RALGPS2: variants seen among roughly 807,000 people sequenced by gnomAD.
RALGPS2 encodes ras-specific guanine nucleotide-releasing factor RalGPS2.
Under a neutral mutation model 86.8 loss-of-function variants are expected in RALGPS2, and 43 were observed. The observed-to-expected ratio is 0.50, with a 90% CI of 0.39 to 0.64. The LOEUF (loss-of-function observed/expected upper bound fraction) is 0.64, where lower values mean the gene tolerates loss of function less well. Ranked by LOEUF, RALGPS2 falls within the 30% of genes least tolerant of loss-of-function variation. The probability of loss-of-function intolerance (pLI) is 0.00; values close to 1 mark genes in which losing one functional copy is unlikely to be tolerated. For synonymous variants in RALGPS2, 243 were observed against 231.3 expected, an observed-to-expected ratio of 1.05 and a Z score of -0.46; for missense variants, 536 against 694.6, an observed-to-expected ratio of 0.77 and a Z score of 2.57.
intron 1 of RALGPS2, among the ~76,000 whole-genome samples, chr1:178,764,388 G>A (rs1652395631): frequency 6.6e-6 from 1 of 152,156 alleles, no homozygotes. Context: ...CTTGAAGACA[G>A]CATACAATTG....
chr1:178,859,595 C>T (rs1463248166), intron 8 of RALGPS2, among the ~76,000 whole-genome samples: 2 of 150,646 alleles, frequency 1.3e-5, no homozygotes, highest in African/African-American at 4.9e-5. Flanking sequence ...CATTTATGTC[C>T]TCATATACCT....
chr1:178,772,400 A>G (rs989691365), intron 1 of RALGPS2, among the ~76,000 whole-genome samples: 3 of 152,200 alleles, frequency 2.0e-5, no homozygotes, highest in African/African-American at 4.8e-5. Context: ...CTTCTTTGCT[A>G]TTACCTGAAT....
chr1:178,823,426 G>T (rs925225937), intron 7 of RALGPS2, among the ~76,000 whole-genome samples: 6 of 151,756 alleles, frequency 4.0e-5, no homozygotes, highest in African/African-American at 1.5e-4. Context: ...ATAAATAAAT[G>T]ACATAAATAG....
intron 1 of RALGPS2, among the ~76,000 whole-genome samples, chr1:178,730,362 C>T (rs4652316): frequency 0.25 from 37,662 of 152,120 alleles, 5,228 homozygotes; most frequent in Non-Finnish European, 0.32. Flanking sequence ...CATGTCTTCC[C>T]AATATAGTCA....
intron 15 of RALGPS2, among the ~76,000 whole-genome samples, chr1:178,893,245 A>T (rs1659793116): frequency 6.9e-6 from 1 of 145,750 alleles, no homozygotes. Context: ...TTATTTTGTG[A>T]TTTTTTTTTT....
chr1:178,810,742 T>A lies in RALGPS2; in HGVS notation c.298-573T>A, dbSNP rs1033756842. ...AAGTAAAATCTGAAATATTTCTCAT[T>A]AAAAATGTGAAGAAATATGAGGCAG... On this transcript the variant is annotated intron_variant, in intron 5 of 19. Coordinates refer to ENST00000367635, the MANE Select transcript of RALGPS2 (RefSeq NM_152663.5). Among the ~76,000 whole-genome samples the A allele has an allele frequency of 2.6e-5, 4 of 152,006 alleles. No individual in the cohort carries two copies. In the South Asian group the frequency reaches 6.2e-4, roughly 24 times the overall value.
intron 10 of RALGPS2, among the ~76,000 whole-genome samples, chr1:178,879,962 T>C (rs1659170710): frequency 6.6e-6 from 1 of 152,114 alleles, no homozygotes; most frequent in South Asian, 2.1e-4. Flanking sequence ...GGTTTTTTTT[T>C]AAGGTAGGAG....
intron 1 of RALGPS2, among the ~76,000 whole-genome samples, chr1:178,728,624 A>G (rs1650164849): frequency 6.6e-6 from 1 of 152,088 alleles, no homozygotes; most frequent in Admixed American, 6.5e-5. Flanking sequence ...GCTTGAAACT[A>G]CCCCAGCCTG....
chr1:178,779,357 T>TTTCTATA (rs1235866797), intron 2 of RALGPS2, among the ~76,000 whole-genome samples: 2 of 152,226 alleles, frequency 1.3e-5, no homozygotes, highest in African/African-American at 4.8e-5. Context: ...TATTTCTTAT[T>TTTCTATA]TTTCTCTTAG....
chr1:178,746,974 T>A, intron 1 of RALGPS2: 1 of 982,304 alleles, frequency 1.0e-6, no homozygotes. Context: ...CTTAGAAAGT[T>A]CTTTCCATCG....
intron 11 of RALGPS2, 140 bp downstream of exon 11, chr1:178,883,673 G>C: frequency 1.4e-6 from 1 of 729,722 alleles, no homozygotes; most frequent in East Asian, 3.0e-5. Flanking sequence ...TGTCCTTTCT[G>C]GGTTTTTTGG....
At chr1:178,733,997 G>T (rs1379625733) in intron 1 of RALGPS2, among the ~76,000 whole-genome samples, 3 of 152,178 alleles carry the variant, frequency 2.0e-5, no homozygotes, top group Non-Finnish European at 4.4e-5. Flanking sequence ...TAGTCAGAAT[G>T]TATAAACACT....
At chr1:178,812,238 A>G (rs1003818281) in intron 6 of RALGPS2, among the ~76,000 whole-genome samples, 2 of 152,188 alleles carry the variant, frequency 1.3e-5, no homozygotes, top group East Asian at 1.9e-4. Flanking sequence ...TTCAGGTAAA[A>G]TGAATGAGCC....
At chr1:178,892,882 A>G (rs1365108824) in intron 15 of RALGPS2, among the ~76,000 whole-genome samples, 2 of 152,066 alleles carry the variant, frequency 1.3e-5, no homozygotes, top group African/African-American at 2.4e-5. Flanking sequence ...TTTAGTGGTG[A>G]TGGGTAATCA....
At chr1:178,762,168 G>T (rs1338402389) in intron 1 of RALGPS2, among the ~76,000 whole-genome samples, 1 of 152,100 alleles carries the variant, frequency 6.6e-6, no homozygotes, top group Non-Finnish European at 1.5e-5. Context: ...CATCCATGTT[G>T]CTGTAAAGGA....
chr1:178,870,498 A>G (rs1255405990), intron 8 of RALGPS2, among the ~76,000 whole-genome samples: 2 of 152,210 alleles, frequency 1.3e-5, no homozygotes, highest in Non-Finnish European at 1.5e-5. Flanking sequence ...GCATGCATGT[A>G]TCAGTCTGTA....
intron 5 of RALGPS2, among the ~76,000 whole-genome samples, chr1:178,810,408 A>AAT (rs1342953211): frequency 1.3e-5 from 2 of 152,058 alleles, no homozygotes; most frequent in East Asian, 3.9e-4. Flanking sequence ...AAATCACCAT[A>AAT]ATATTTGTAT....
intron 19 of RALGPS2, among the ~76,000 whole-genome samples, chr1:178,913,908 G>A (rs115989604): frequency 0.04 from 6,045 of 152,264 alleles, 163 homozygotes; most frequent in African/African-American, 0.068. Flanking sequence ...CAGGCTACTG[G>A]CAAAAGCACT....
chr1:178,808,258 C>A, intron 5 of RALGPS2, 130 bp downstream of exon 5: 1 of 672,924 alleles, frequency 1.5e-6, no homozygotes. Flanking sequence ...AGTATTGTCT[C>A]TGTGCATGAT....
Sources: gnomAD v4.1 joint callset for allele counts (sites outside exome capture counted in the v4.1 genomes callset) on GRCh38, gnomAD v4.1.1 for gene constraint, MANE v1.5 for transcripts, NCBI Gene and HGNC (gene_info 2026-07-23, HGNC 2026-07-21) for gene names.